Variants in EPB41 observed in about 807,000 individuals in gnomAD.
EPB41 encodes protein 4.1.
A neutral mutation model predicts 108.0 loss-of-function variants in EPB41; 65 were observed. The observed-to-expected ratio is 0.60, with a 90% confidence interval of 0.49 to 0.74. The LOEUF is 0.74. Among genes scored for constraint, EPB41 ranks in the 30% least tolerant of loss-of-function variants. The pLI is 0.00. For missense variants in EPB41, 875 were observed against 1,037.0 expected, an observed-to-expected ratio of 0.84 and a Z score of 2.15; for synonymous variants, 336 against 358.9, an observed-to-expected ratio of 0.94 and a Z score of 0.72.
intron 16 of EPB41, chr1:29,096,026 A>C (rs1663103877): frequency 2.3e-6 from 1 of 441,570 alleles, no homozygotes; most frequent in Non-Finnish European, 3.0e-6. Context: ...CCATGTTATC[A>C]GCTAAGATTC....
At chr1:29,079,937 A>G (rs995410140) in intron 16 of EPB41, among the ~76,000 whole-genome samples, 8 of 151,922 alleles carry the variant, frequency 5.3e-5, no homozygotes, top group African/African-American at 1.9e-4. Flanking sequence ...CGGAGGTTGC[A>G]GTGAGCTGAG....
At position 29,035,824 on chromosome 1, in the gene EPB41, A is replaced by G. The variant is rs112946699; in HGVS notation, c.1366-2A>G. On this transcript the variant is annotated splice_acceptor_variant, in intron 9 of 20. Coordinates refer to ENST00000343067, the MANE Select transcript of EPB41 (RefSeq NM_001376013.1). LOFTEE classifies it high-confidence loss of function. ...GTCCCATGTTTATTTGTGTTTTTGT[A>G]GCAAGAGCAGTATGAAAGTACCATC... 1 of 1,610,924 alleles carries G rather than the reference A, an allele frequency of 6.2e-7. No homozygotes were observed. The highest frequency in any genetic ancestry group is 1.7e-5 in the Admixed American group (1 of 59,998).
At position 29,039,318 on chromosome 1, in the gene EPB41, A is replaced by G. The variant is rs148913273; in HGVS notation, c.1528A>G (p.Ser510Gly). The G allele has an allele frequency of 6.8e-6, 11 of 1,614,050 alleles. No homozygotes were observed. In the African/African-American group the frequency reaches 1.2e-4, roughly 18 times the overall value. ...TGCGCTAGGATCCAAATTTCGATAC[A>G]GTGGCCGGACTCAAGCTCAGACCAG... is the stretch of plus-strand genomic sequence containing the variant. Reference protein sequence around the residue: ...FLALGSKFRYSGRTQAQTRQA... With the variant: ...FLALGSKFRYGGRTQAQTRQA... Residue 510 changes from serine to glycine, a missense_variant, in exon 11 of 21, where the codon AGT (serine) becomes GGT (glycine). This residue lies in a region of EPB41 where 519 missense variants were observed against 627.3 expected (regional missense o/e 0.83). Coordinates refer to ENST00000343067, the MANE Select transcript of EPB41 (RefSeq NM_001376013.1).
At chr1:28,919,338 C>T (rs910893595) in intron 1 of EPB41, among the ~76,000 whole-genome samples, 13 of 152,296 alleles carry the variant, frequency 8.5e-5, no homozygotes, top group Non-Finnish European at 1.5e-4. Flanking sequence ...ATCCCCTACC[C>T]GCTAGCTTCG....
At position 29,039,234 on chromosome 1, in the gene EPB41, T is replaced by C. The variant is rs139715164; in HGVS notation, c.1464-20T>C. 14,468 of 1,610,180 alleles carry C rather than the reference T, an allele frequency of 9.0e-3. 108 individuals are homozygous for C. The highest frequency in any genetic ancestry group is 0.045 in the Middle Eastern group (258 of 5,794). On this transcript the variant is annotated intron_variant, in intron 10 of 20. Transcript: ENST00000343067. The stretch of plus-strand genomic sequence containing the variant: ...TAAGATGAATATATAATAATATGAC[T>C]ATTACGATTTTCCCCCCAGATTGAC...
At chr1:28,888,303 T>C (rs896978416) in intron 1 of EPB41, among the ~76,000 whole-genome samples, 5 of 152,122 alleles carry the variant, frequency 3.3e-5, no homozygotes, top group Admixed American at 2.0e-4. Flanking sequence ...TCCTCAGCTA[T>C]TGAAGGGGAG....
At position 29,053,296 on chromosome 1, in the gene EPB41, C is replaced by T. The variant is rs1220267676; in HGVS notation, c.1829C>T (p.Pro610Leu). ...DEPPEQAEPE[P>L]TEAWKVEKTH... ...CCACCTGAGCAAGCTGAGCCAGAGC[C>T]CACAGAAGCATGGAAGGTATGTCAT... Residue 610 changes from proline to leucine, a missense_variant, in exon 12 of 21, where the codon CCC (proline) becomes CTC (leucine). Physicochemically the swap from Pro to Leu is moderately conservative, Grantham distance 98 (BLOSUM62 -3). Around this residue, in one of 3 missense-constraint regions of EPB41, gnomAD observed 519 missense variants for 627.3 expected, o/e 0.83. Coordinates refer to ENST00000343067, the MANE Select transcript of EPB41 (RefSeq NM_001376013.1). The T allele has an allele frequency of 6.2e-7, 1 of 1,614,160 alleles. No homozygotes were observed. Among genetic ancestry groups the T allele is most frequent in the Admixed American group, 1.7e-5 (1 of 60,008 alleles).
chr1:29,067,856 C>T (rs1260343728), intron 16 of EPB41, among the ~76,000 whole-genome samples: 2 of 152,076 alleles, frequency 1.3e-5, no homozygotes, highest in Non-Finnish European at 2.9e-5. Context: ...ACTCACTGTC[C>T]TCTCAGCCTC....
Position 29,064,969 on chromosome 1 carries a change from C to T in EPB41, c.2008-13C>T, listed in dbSNP as rs1404145829. ...TTGTGTATTGTTTTGCATCTTTGTC[C>T]TTTCAACTGTAGGATTTAGACAAGA... is the stretch of plus-strand genomic sequence containing the variant. On this transcript the variant is annotated splice_polypyrimidine_tract_variant and intron_variant, in intron 15 of 20. Coordinates refer to ENST00000343067, the MANE Select transcript of EPB41 (RefSeq NM_001376013.1). 1.2e-6 allele frequency: 2 copies of T among 1,613,576 alleles called. No homozygotes were observed. Among genetic ancestry groups the T allele is most frequent in the Non-Finnish European group, 1.7e-6 (2 of 1,179,960 alleles).
chr1:29,081,226 C>G (rs1252030932), intron 16 of EPB41, among the ~76,000 whole-genome samples: 1 of 152,018 alleles, frequency 6.6e-6, no homozygotes, highest in Non-Finnish European at 1.5e-5. Flanking sequence ...TTTTTCTAAC[C>G]AATTTAATTA....
At chr1:29,079,868 G>A (rs1472495620) in intron 16 of EPB41, among the ~76,000 whole-genome samples, 3 of 151,896 alleles carry the variant, frequency 2.0e-5, no homozygotes, top group East Asian at 2.0e-4. Flanking sequence ...ATGATTGCGC[G>A]GGCCTGTAGT....
chr1:29,058,561 T>G, intron 12 of EPB41, 28 bp from the exon 13 acceptor site: 2 of 1,604,454 alleles, frequency 1.2e-6, no homozygotes, highest in Non-Finnish European at 1.7e-6. Flanking sequence ...CCTAAAATGT[T>G]TTTACTACTT....
At chr1:28,924,318 C>T (rs1023863858) in intron 1 of EPB41, among the ~76,000 whole-genome samples, 2 of 152,234 alleles carry the variant, frequency 1.3e-5, no homozygotes, top group African/African-American at 4.8e-5. Context: ...CACCTGAGGT[C>T]AGGAACTCGA....
intron 4 of EPB41, among the ~76,000 whole-genome samples, chr1:29,005,221 A>G (rs2096378723): frequency 1.3e-5 from 2 of 152,106 alleles, no homozygotes; most frequent in Non-Finnish European, 2.9e-5. Flanking sequence ...CACATCTTAC[A>G]TGGCCAGAGC....
intron 1 of EPB41, among the ~76,000 whole-genome samples, chr1:28,940,437 A>G (rs2094230274): frequency 6.6e-6 from 1 of 152,142 alleles, no homozygotes; most frequent in Non-Finnish European, 1.5e-5. Flanking sequence ...GGATCACCTG[A>G]GGACGGGAGT....
intron 1 of EPB41, among the ~76,000 whole-genome samples, chr1:28,931,386 A>AC (rs987656885): frequency 2.6e-5 from 4 of 151,592 alleles, no homozygotes; most frequent in African/African-American, 9.7e-5. Context: ...AAAAAAAAAA[A>AC]AAAAGGCTGA....
At chr1:28,963,521 C>CT (rs1415089683) in intron 1 of EPB41, among the ~76,000 whole-genome samples, 2 of 152,180 alleles carry the variant, frequency 1.3e-5, no homozygotes, top group Admixed American at 1.3e-4. Flanking sequence ...GGCTCTGCCT[C>CT]TGATGAGCAG....
intron 17 of EPB41, among the ~76,000 whole-genome samples, chr1:29,105,803 C>T (rs937111608): frequency 2.3e-5 from 3 of 128,694 alleles, no homozygotes; most frequent in African/African-American, 8.9e-5. Flanking sequence ...GGCTGGAGTG[C>T]AGTGGCATGA....
At chr1:28,967,391 T>C (rs1028462988) in intron 1 of EPB41, among the ~76,000 whole-genome samples, 1 of 152,194 alleles carries the variant, frequency 6.6e-6, no homozygotes, top group South Asian at 2.1e-4. Context: ...TTACTGATAC[T>C]TTGGAATCTG....
Sources: allele counts gnomAD v4.1 joint callset (sites outside exome capture counted in the v4.1 genomes callset), GRCh38; gene constraint gnomAD v4.1.1; regional missense constraint gnomAD v4.1.1; transcripts MANE v1.5; gene names NCBI Gene and HGNC (gene_info 2026-07-23, HGNC 2026-07-21).